Variants in ABCC6 observed in about 807,000 individuals in gnomAD.
The protein encoded by ABCC6 is ATP binding cassette subfamily C member 6, also known as ATP-binding cassette sub-family C member 6.
A neutral mutation model predicts 169.5 loss-of-function variants in ABCC6; 126 were observed. That is an observed-to-expected ratio of 0.74 (90% CI 0.64 to 0.86). The LOEUF (loss-of-function observed/expected upper bound fraction) is 0.86, where lower values mean the gene tolerates loss of function less well. Among genes scored for constraint, ABCC6 ranks in the 40% least tolerant of loss-of-function variants. The pLI, the probability that ABCC6 is intolerant of heterozygous loss-of-function variation, is 0.00. For missense variants in ABCC6, 1,733 were observed against 1,927.2 expected (o/e 0.90, Z 1.89); for synonymous variants, 752 against 814.7 (o/e 0.92, Z 1.31).
At position 16,170,999 on chromosome 16, in the gene ABCC6, C is replaced by T. The variant is rs552930896; in HGVS notation, c.2788-1146G>A. On this transcript the variant is annotated intron_variant, in intron 21 of 30. Transcript: ENST00000205557. ...TTCCAAGCTTCTTATCTCGCCCCCA[C>T]TCACTGCCTGCCAGCCTCATGGGAC... Among the ~76,000 whole-genome samples the T allele has an allele frequency of 2.6e-5, 4 of 151,702 alleles. 1 individual carries two copies. The highest frequency in any genetic ancestry group is 7.2e-5 in the African/African-American group (3 of 41,404).
rs576301805 is a variant in ABCC6, at chr16:16,151,603, T to C, written c.4209-831A>G. ...CACCTGGGTGGGATTCCAGGCGTGA[T>C]CCACCGTGCCTGGCCTGTTTATGGC... On this transcript the variant is annotated intron_variant, in intron 29 of 30. Coordinates refer to ENST00000205557, the MANE Select transcript of ABCC6 (RefSeq NM_001171.6). 9.8e-5 allele frequency among the ~76,000 whole-genome samples: 15 copies of C among 152,286 alleles called. No individual in the cohort carries two copies. The South Asian group carries it at 2.9e-3, about 30-fold the overall frequency.
chr16:16,198,699 A>G (rs1006353323), intron 9 of ABCC6, among the ~76,000 whole-genome samples: 12 of 150,992 alleles, frequency 7.9e-5, no homozygotes, highest in Non-Finnish European at 1.2e-4. Context: ...ATACTTTAAA[A>G]AATTAGCCAG....
In ABCC6 at chr16:16,150,587, T is replaced by G; in HGVS notation, c.4394A>C (p.Asp1465Ala). The G allele has an allele frequency of 1.2e-6, 2 of 1,611,252 alleles. No homozygotes were observed. The highest frequency in any genetic ancestry group is 1.7e-6 in the Non-Finnish European group (2 of 1,178,446). Residue 1465 changes from aspartate to alanine, a missense_variant, in exon 30 of 31, where the codon GAC becomes GCC. Physicochemically the swap from Asp to Ala is moderately radical, Grantham distance 126 (BLOSUM62 -2). Coordinates refer to ENST00000205557, the MANE Select transcript of ABCC6 (RefSeq NM_001171.6). Reference protein sequence around the residue: ...LIAHRLRSVMDCARVLVMDKG... With the variant: ...LIAHRLRSVMACARVLVMDKG... The stretch of plus-strand genomic sequence containing the variant: ...GGGGCGGGAGCCTTACCGGGCACAG[T>G]CCATCACGGAGCGCAGGCGGTGGGC...
chr16:16,158,948 T>C (rs1411341328), intron 26 of ABCC6, among the ~76,000 whole-genome samples: 1 of 152,210 alleles, frequency 6.6e-6, no homozygotes, highest in African/African-American at 2.4e-5. Flanking sequence ...TCTATCATGT[T>C]ACTAAAATGT....
chr16:16,195,321 T>C (rs1331665676), intron 10 of ABCC6, among the ~76,000 whole-genome samples: 1 of 147,132 alleles, frequency 6.8e-6, no homozygotes, highest in Non-Finnish European at 1.5e-5. Flanking sequence ...TTTTTTTTTT[T>C]TTTTTTTTTT....
Position 16,208,965 on chromosome 16 carries a change from G to C in ABCC6, c.663-106C>G, listed in dbSNP as rs572056471. ...CCTGGGTAAGTCACTTTACCTCTCT[G>C]TACCTCTACTGGCCCCTGGGTAAAA... On this transcript the variant is annotated intron_variant, in intron 6 of 30. Coordinates refer to ENST00000205557, the MANE Select transcript of ABCC6 (RefSeq NM_001171.6). 92 of 1,554,642 alleles carry C rather than the reference G, an allele frequency of 5.9e-5. No individual in the cohort carries two copies. The African/African-American group carries it at 1.0e-3, about 17-fold the overall frequency.
At chr16:16,203,016 G>C (rs554275669) in intron 8 of ABCC6, among the ~76,000 whole-genome samples, 1 of 152,252 alleles carries the variant, frequency 6.6e-6, no homozygotes, top group East Asian at 1.9e-4. Flanking sequence ...AGCAGAGACA[G>C]CCATCCCAGT....
At chr16:16,178,088 G>A (rs2047343074) in intron 18 of ABCC6, among the ~76,000 whole-genome samples, 1 of 151,908 alleles carries the variant, frequency 6.6e-6, no homozygotes, top group Non-Finnish European at 1.5e-5. Context: ...CACTTTGGGA[G>A]GCCGAGGCAG....
Position 16,219,644 on chromosome 16 carries a change from CT to C in ABCC6, c.383del (p.Lys128ArgfsTer104). On this transcript the variant is annotated frameshift_variant, in exon 4 of 31. Transcript: ENST00000205557. LOFTEE classifies it high-confidence loss of function. ...ACAGCACTCCAGATGACTGGACTCCCTTTTTCCTCTCGGTGTGAATCAGGAA... is the reference window on the plus strand; with the variant it reads ...ACAGCACTCCAGATGACTGGACTCCCTTTTCCTCTCGGTGTGAATCAGGAA... ...AVFLIHTERK[K>X]GVQSSGVLFG... 6.6e-7 allele frequency: 1 copy of C among 1,507,806 alleles called. No homozygotes were observed. The highest frequency in any genetic ancestry group is 1.2e-5 in the South Asian group (1 of 83,080). 93.4% of individuals were successfully genotyped at this position (1,507,806 alleles called of 1,614,324 possible).
chr16:16,204,240 G>A (rs1396406823), intron 7 of ABCC6, among the ~76,000 whole-genome samples: 1 of 152,096 alleles, frequency 6.6e-6, no homozygotes, highest in African/African-American at 2.4e-5. Flanking sequence ...ATTTTCAGTA[G>A]AGAAGGGGTT....
chr16:16,153,871 T>C (rs2046459862), intron 29 of ABCC6, among the ~76,000 whole-genome samples: 1 of 146,016 alleles, frequency 6.8e-6, no homozygotes, highest in Non-Finnish European at 1.5e-5. Context: ...ACCACTGCAC[T>C]CTAGCCTGAA....
In ABCC6 at chr16:16,189,110, C is replaced by A. The variant is rs997399199; in HGVS notation, c.1636-136G>T. The A allele has an allele frequency of 9.3e-5, 93 of 996,262 alleles. No individual in the cohort carries two copies. In the South Asian group the frequency reaches 1.3e-3, roughly 14 times the overall value. 61.7% of individuals were successfully genotyped at this position (996,262 alleles called of 1,614,324 possible). A position where few individuals can be genotyped will look rare whatever the true frequency, so the allele number is the denominator to read the frequency against. ...CGCATGTGCTTCCCTCCGTAGATCCCACTCCCAGTCCTGCTAACACATGTC... is the reference window on the plus strand; with the variant it reads ...CGCATGTGCTTCCCTCCGTAGATCCAACTCCCAGTCCTGCTAACACATGTC... On this transcript the variant is annotated intron_variant, in intron 12 of 30. Transcript: ENST00000205557.
Position 16,190,213 on chromosome 16 carries a change from C to T in ABCC6, c.1586G>A (p.Gly529Asp), listed in dbSNP as rs199643353. ...GQELGALRTS[G>D]LLFSVSLVSF... ...CACCAGCGACACAGAGAAGAGGAGG[C>T]CGGAGGTCCGCAAGGCGCCCAGCTC... is the stretch of plus-strand genomic sequence containing the variant. Residue 529 changes from glycine to aspartate, a missense_variant, in exon 12 of 31, where the codon GGC becomes GAC. Coordinates refer to ENST00000205557, the MANE Select transcript of ABCC6 (RefSeq NM_001171.6). 1.6e-4 allele frequency: 260 copies of T among 1,614,056 alleles called. 3 individuals carry two copies. The Admixed American group carries it at 4.3e-3, about 27-fold the overall frequency.
rs1205637312 is a variant in ABCC6, at chr16:16,149,730, AT to A, written c.*402del. On this transcript the variant is annotated 3_prime_UTR_variant, in exon 31 of 31. Coordinates refer to ENST00000205557, the MANE Select transcript of ABCC6 (RefSeq NM_001171.6). ...TTCTTTAACTGCATGTGAGTCTGGG[AT>A]TATCCCAAAATAAAAGTGTTAATTT... The A allele has an allele frequency of 1.4e-5, 5 of 362,098 alleles. No homozygotes were observed. Among genetic ancestry groups the A allele is most frequent in the Non-Finnish European group, 2.6e-5 (5 of 192,830 alleles). 22.4% of individuals were successfully genotyped at this position (362,098 alleles called of 1,614,324 possible).
intron 9 of ABCC6, among the ~76,000 whole-genome samples, chr16:16,198,596 C>T (rs776567488): frequency 2.0e-5 from 3 of 152,038 alleles, no homozygotes; most frequent in Non-Finnish European, 4.4e-5. Context: ...TGCCTGTAAT[C>T]CCGCCACTCT....
intron 10 of ABCC6, among the ~76,000 whole-genome samples, chr16:16,195,957 C>T (rs2048023538): frequency 6.6e-6 from 1 of 152,226 alleles, no homozygotes; most frequent in African/African-American, 2.4e-5. Flanking sequence ...TGCCCGTAAT[C>T]CCAGCACTTT....
chr16:16,179,517 C>T (rs150465), intron 17 of ABCC6, among the ~76,000 whole-genome samples: 124,709 of 151,992 alleles, frequency 0.82, 52,616 homozygotes, highest in Non-Finnish European at 0.92. Context: ...AGGGGGATGG[C>T]CCGGGGGATG....
intron 22 of ABCC6, among the ~76,000 whole-genome samples, chr16:16,166,167 C>T (rs550343696): frequency 2.4e-4 from 37 of 152,300 alleles, no homozygotes; most frequent in African/African-American, 8.7e-4. Flanking sequence ...CCTCCCGCCT[C>T]ACCCTCCGAG....
rs1287829352 is a variant in ABCC6 at position 16,208,847 on chromosome 16, C to G, written c.675G>C (p.Arg225Ser). 5 of 1,613,308 alleles carry G rather than the reference C, an allele frequency of 3.1e-6. No homozygotes were observed. The highest frequency in any genetic ancestry group is 4.2e-6 in the Non-Finnish European group (5 of 1,179,742). ...TTGGTCTCAGTGGCCTCCTGTATCC[C>G]CTCCAGACCAGGCTGCAAAAGAGGG... The part of the protein sequence containing the change: ...TFWWVSGLVW[R>S]GYRRPLRPKD... Residue 225 changes from arginine (R) to serine (S), a missense_variant, in exon 7 of 31, where the codon AGG becomes AGC. By Grantham distance (110) the Arg-to-Ser change is moderately radical (BLOSUM62 -1). This residue lies in a region of ABCC6 where 49 missense variants were observed against 85.8 expected (regional missense o/e 0.57). Coordinates refer to ENST00000205557, the MANE Select transcript of ABCC6 (RefSeq NM_001171.6).
Sources: allele counts gnomAD v4.1 joint callset (sites outside exome capture counted in the v4.1 genomes callset), GRCh38; gene constraint gnomAD v4.1.1; regional missense constraint gnomAD v4.1.1; transcripts MANE v1.5; gene names NCBI Gene and HGNC (gene_info 2026-07-23, HGNC 2026-07-21).